Variants in MRPL48 observed in about 807,000 individuals in gnomAD.
MRPL48 encodes the protein large ribosomal subunit protein mL48.
Under a neutral mutation model 32.9 loss-of-function variants are expected in MRPL48, and 16 were observed. The ratio of observed to expected loss-of-function variants is 0.49; its 90% confidence interval spans 0.33 to 0.74. The LOEUF (loss-of-function observed/expected upper bound fraction) is 0.74. Ranked by LOEUF, MRPL48 falls within the 30% of genes least tolerant of loss-of-function variation. The pLI is 0.02. For synonymous variants in MRPL48, 94 were observed against 89.2 expected (o/e 1.05, Z -0.31); for missense variants, 206 against 245.3 (o/e 0.84, Z 1.07).
intron 3 of MRPL48, chr11:73,823,137 A>C (rs1947812427): frequency 3.2e-6 from 1 of 310,552 alleles, no homozygotes; most frequent in African/African-American, 2.2e-5. Flanking sequence ...TGCACAATAA[A>C]TGTAATATGC....
intron 5 of MRPL48, among the ~76,000 whole-genome samples, chr11:73,858,936 C>G (rs906213631): frequency 6.6e-6 from 1 of 152,230 alleles, no homozygotes; most frequent in African/African-American, 2.4e-5. Flanking sequence ...TTCACTGCAA[C>G]ACGTAGACTT....
intron 4 of MRPL48, among the ~76,000 whole-genome samples, chr11:73,841,038 G>C (rs1006763252): frequency 6.6e-6 from 1 of 152,138 alleles, no homozygotes; most frequent in African/African-American, 2.4e-5. Flanking sequence ...AGGTGCTCAG[G>C]CTCAATAGAT....
intron 4 of MRPL48, among the ~76,000 whole-genome samples, chr11:73,835,996 C>T (rs998974027): frequency 3.3e-5 from 5 of 152,040 alleles, no homozygotes; most frequent in Non-Finnish European, 5.9e-5. Flanking sequence ...TGCAGTGGCG[C>T]GATCTTGGCT....
intron 7 of MRPL48, 151 bp from the exon 8 acceptor site, chr11:73,864,145 T>C (rs1948629299): frequency 6.4e-6 from 4 of 623,346 alleles, no homozygotes; most frequent in Non-Finnish European, 1.1e-5. Context: ...GTATCTAATA[T>C]AAGTCTGCTA....
At chr11:73,801,593 T>C (rs1455640792) in intron 1 of MRPL48, among the ~76,000 whole-genome samples, 3 of 152,186 alleles carry the variant, frequency 2.0e-5, no homozygotes, top group Non-Finnish European at 4.4e-5. Context: ...TTTCTTAAGT[T>C]TTATCTTTCC....
At chr11:73,840,796 G>A (rs534302394) in intron 4 of MRPL48, among the ~76,000 whole-genome samples, 2 of 151,854 alleles carry the variant, frequency 1.3e-5, no homozygotes, top group African/African-American at 4.8e-5. Flanking sequence ...CACCACACCC[G>A]GCCAACCCTG....
intron 3 of MRPL48, among the ~76,000 whole-genome samples, chr11:73,815,020 A>G (rs1264438541): frequency 1.3e-5 from 2 of 151,848 alleles, no homozygotes; most frequent in African/African-American, 4.8e-5. Context: ...ATAAATAAAT[A>G]AAACAAAAAA....
intron 4 of MRPL48, among the ~76,000 whole-genome samples, chr11:73,835,386 T>C (rs1948081282): frequency 6.6e-6 from 1 of 150,790 alleles, no homozygotes; most frequent in Non-Finnish European, 1.5e-5. Flanking sequence ...GTGATCCGCC[T>C]GCCTCGGCCT....
At chr11:73,846,090 A>AAT (rs1376745174) in intron 5 of MRPL48, among the ~76,000 whole-genome samples, 1 of 147,788 alleles carries the variant, frequency 6.8e-6, no homozygotes. Context: ...AAAAAAAAAA[A>AAT]GATTAAAAAA....
intron 3 of MRPL48, among the ~76,000 whole-genome samples, chr11:73,824,758 G>T (rs906908567): frequency 6.6e-6 from 1 of 152,070 alleles, no homozygotes; most frequent in African/African-American, 2.4e-5. Context: ...ATTGCCTGTT[G>T]AGGAACAAGA....
At chr11:73,855,477 T>G (rs1948468857) in intron 5 of MRPL48, among the ~76,000 whole-genome samples, 1 of 152,010 alleles carries the variant, frequency 6.6e-6, no homozygotes, top group South Asian at 2.1e-4. Context: ...AGCTTCTACT[T>G]TTTTCTTAGA....
chr11:73,814,079 A>G (rs1271618240), intron 3 of MRPL48, among the ~76,000 whole-genome samples: 1 of 150,882 alleles, frequency 6.6e-6, no homozygotes, highest in Non-Finnish European at 1.5e-5. Context: ...TTACCTTCTG[A>G]TAAATATTTT....
Position 73,863,155 on chromosome 11 carries a change from C to A in MRPL48, c.475-17C>A. The A allele has an allele frequency of 6.4e-7, 1 of 1,567,862 alleles. No homozygotes were observed. The highest frequency in any genetic ancestry group is 8.7e-7 in the Non-Finnish European group (1 of 1,155,992). On this transcript the variant is annotated splice_polypyrimidine_tract_variant and intron_variant, in intron 6 of 7. Coordinates refer to ENST00000310614, the MANE Select transcript of MRPL48 (RefSeq NM_016055.6). ...CAGCTCCTCCCACCTCTTAGAGCAC[C>A]TTCTTTCATTTTGCAGATCAGCGGT...
intron 7 of MRPL48, among the ~76,000 whole-genome samples, chr11:73,863,978 A>G (rs1346917881): frequency 6.6e-6 from 1 of 152,102 alleles, no homozygotes; most frequent in Non-Finnish European, 1.5e-5. Context: ...TTTATTTCCT[A>G]TGTAAATAAT....
At chr11:73,795,104 C>T (rs1474304994) in intron 1 of MRPL48, among the ~76,000 whole-genome samples, 3 of 151,326 alleles carry the variant, frequency 2.0e-5, no homozygotes, top group African/African-American at 7.3e-5. Context: ...TTAGTAGAGA[C>T]GGGGTCTCAC....
intron 4 of MRPL48, among the ~76,000 whole-genome samples, chr11:73,835,317 T>G (rs1948079385): frequency 6.6e-6 from 1 of 151,900 alleles, no homozygotes; most frequent in Middle Eastern, 3.2e-3. Flanking sequence ...GATTTTTGTA[T>G]TTTTAGTAGA....
intron 4 of MRPL48, among the ~76,000 whole-genome samples, chr11:73,841,403 A>G (rs1215374467): frequency 6.6e-6 from 1 of 152,220 alleles, no homozygotes; most frequent in African/African-American, 2.4e-5. Context: ...ATTTCCACCA[A>G]CAGTAGAAAG....
chr11:73,833,825 C>T lies in MRPL48; in HGVS notation c.201+8029C>T, dbSNP rs146292269. On this transcript the variant is annotated intron_variant, in intron 4 of 7. Transcript: ENST00000310614. ...GAGTAGCTGGAACTACAGGTGTGTA[C>T]GACTACGCCTTGCTAATATTTTTAT... 1.6e-3 allele frequency among the ~76,000 whole-genome samples: 240 copies of T among 152,114 alleles called. 2 individuals are homozygous for T. Among genetic ancestry groups the T allele is most frequent in the African/African-American group, 5.1e-3 (212 of 41,512 alleles).
At chr11:73,800,745 G>C (rs1209760284) in intron 1 of MRPL48, among the ~76,000 whole-genome samples, 1 of 151,944 alleles carries the variant, frequency 6.6e-6, no homozygotes, top group Non-Finnish European at 1.5e-5. Context: ...TCCCAGAGCT[G>C]ACCGGGAGAG....
Sources: allele counts gnomAD v4.1 joint callset (sites outside exome capture counted in the v4.1 genomes callset), GRCh38; gene constraint gnomAD v4.1.1; transcripts MANE v1.5; gene names NCBI Gene and HGNC (gene_info 2026-07-23, HGNC 2026-07-21).